RINT1: variants seen among roughly 807,000 people sequenced by gnomAD.
RINT1 encodes the protein RAD50-interacting protein 1.
In RINT1, 75 loss-of-function variants were observed where a neutral mutation model predicts 97.7. That is an observed-to-expected ratio of 0.77 (90% CI 0.64 to 0.93). The LOEUF is 0.93. Among genes scored for constraint, RINT1 ranks in the 40% least tolerant of loss-of-function variants. The pLI is 0.00. For synonymous variants in RINT1, 303 were observed against 326.3 expected (o/e 0.93, Z 0.77); for missense variants, 892 against 925.2 (o/e 0.96, Z 0.47).
chr7:105,560,492 CAAAG>C (rs767951263), intron 11 of RINT1, among the ~76,000 whole-genome samples: 3 of 151,920 alleles, frequency 2.0e-5, no homozygotes, highest in African/African-American at 2.4e-5. Flanking sequence ...TGGGGAGAGA[CAAAG>C]AGAGATGATT....
rs2133386535 is a variant in RINT1, at chr7:105,546,994, A to G, written c.600A>G (p.Lys200=). 1 of 1,613,932 alleles carries G rather than the reference A, an allele frequency of 6.2e-7. No individual in the cohort carries two copies. Among genetic ancestry groups the G allele is most frequent in the Non-Finnish European group, 8.5e-7 (1 of 1,179,820 alleles). Residue 200 remains lysine, a synonymous_variant, in exon 5 of 15, where the codon AAA becomes AAG. Coordinates refer to ENST00000257700, the MANE Select transcript of RINT1 (RefSeq NM_021930.6). Reference sequence around the variant, plus strand: ...TGTCTATGGCAGAACTTGACATTAAACTTCAGGAATCATCTTGTACTCATC... The same window carrying G: ...TGTCTATGGCAGAACTTGACATTAAGCTTCAGGAATCATCTTGTACTCATC... ...TLVSMAELDI[K]LQESSCTHLL...
intron 4 of RINT1, 128 bp from the exon 5 acceptor site, chr7:105,546,782 G>A (rs918521314): frequency 3.6e-5 from 23 of 633,302 alleles, no homozygotes; most frequent in East Asian, 2.5e-4. Flanking sequence ...AGGCTGAGGC[G>A]GGAGAATCAC....
chr7:105,565,300 C>G lies in RINT1; in HGVS notation c.1910C>G (p.Ser637Ter). 6.2e-7 allele frequency: 1 copy of G among 1,602,978 alleles called. No homozygotes were observed. The highest frequency in any genetic ancestry group is 8.5e-7 in the Non-Finnish European group (1 of 1,172,580). The change falls in exon 13 of 15, where the codon TCA (serine) becomes TGA (stop). Residue 637 changes from serine to a stop codon, truncating the protein, a stop_gained. Transcript: ENST00000257700. LOFTEE classifies it high-confidence loss of function. The stretch of plus-strand genomic sequence containing the variant: ...AGATGGTTGTCCTTGCCATCTCAGT[C>G]AGAGCAGGCAGTGATGTCCCTGTCC... ...KERWLSLPSQSEQAVMSLSSS... is the reference protein window; with the variant it reads ...KERWLSLPSQ
intron 3 of RINT1, chr7:105,542,193 G>C (rs1204883951): frequency 2.4e-6 from 1 of 412,306 alleles, no homozygotes; most frequent in Non-Finnish European, 4.3e-6. Context: ...AGAAAAGCCA[G>C]GTGTAGTGGT....
chr7:105,547,484 C>A, intron 6 of RINT1, 151 bp downstream of exon 6: 1 of 746,276 alleles, frequency 1.3e-6, no homozygotes, highest in Non-Finnish European at 2.2e-6. Flanking sequence ...GAGTGGTGGA[C>A]TGTACTCTTG....
rs990741106 is a variant in RINT1, at chr7:105,565,009, C to T, written c.1887-268C>T. The T allele has an allele frequency of 2.3e-5, 7 of 298,760 alleles. No homozygotes were observed. In the East Asian group the frequency reaches 4.1e-4, roughly 17 times the overall value. 18.5% of individuals were successfully genotyped at this position (298,760 alleles called of 1,614,324 possible). A position where few individuals can be genotyped will look rare whatever the true frequency, so the allele number is the denominator to read the frequency against. ...TAAATAAAATGCAAAAATTAAGTGA[C>T]ATTTTAAATTGTAATTGCCTTATAT... On this transcript the variant is annotated intron_variant, in intron 12 of 14. Coordinates refer to ENST00000257700, the MANE Select transcript of RINT1 (RefSeq NM_021930.6).
chr7:105,532,276 G>T lies in RINT1; in HGVS notation c.-40G>T. ...GCCTTAGCCAGACTCCACAGGCCACGCTGGCTGCGAATGGAGCCGAGGACT... is the reference window on the plus strand; with the variant it reads ...GCCTTAGCCAGACTCCACAGGCCACTCTGGCTGCGAATGGAGCCGAGGACT... On this transcript the variant is annotated 5_prime_UTR_variant, in exon 1 of 15. Coordinates refer to ENST00000257700, the MANE Select transcript of RINT1 (RefSeq NM_021930.6). 6.4e-7 allele frequency: 1 copy of T among 1,554,956 alleles called. No homozygotes were observed. The highest frequency in any genetic ancestry group is 8.7e-7 in the Non-Finnish European group (1 of 1,154,208).
intron 11 of RINT1, among the ~76,000 whole-genome samples, chr7:105,560,479 A>AGAT (rs1226252433): frequency 1.3e-5 from 2 of 152,162 alleles, no homozygotes; most frequent in African/African-American, 4.8e-5. Context: ...GGAGAGAGGG[A>AGAT]GATGGGGAGA....
At chr7:105,565,925 G>GAATA (rs148318361) in intron 14 of RINT1, among the ~76,000 whole-genome samples, 15,661 of 152,132 alleles carry the variant, frequency 0.1, 858 homozygotes, top group Admixed American at 0.13. Context: ...GTTACTGGAG[G>GAATA]AATAAATAGA....
At position 105,563,751 on chromosome 7, in the gene RINT1, CA is replaced by C; in HGVS notation, c.1691del (p.Gln564ArgfsTer13). ...ADNVFFLQLQ[Q>X]AALEVFAENN... Reference sequence around the variant, plus strand: ...CTTTCAGTTCTTTCTACAACTTCAACAGGCTGCACTGGAGGTGTTTGCAGAG... The same window carrying C: ...CTTTCAGTTCTTTCTACAACTTCAACGGCTGCACTGGAGGTGTTTGCAGAG... On this transcript the variant is annotated frameshift_variant, in exon 12 of 15. Transcript: ENST00000257700. LOFTEE classifies it high-confidence loss of function. 1 of 1,613,272 alleles carries C rather than the reference CA, an allele frequency of 6.2e-7. No individual in the cohort carries two copies. Among genetic ancestry groups the C allele is most frequent in the Non-Finnish European group, 8.5e-7 (1 of 1,179,570 alleles).
Position 105,565,433 on chromosome 7 carries a change from G to A in RINT1, c.2043G>A (p.Lys681=), listed in dbSNP as rs1424675748. ...TTTTCTGGCAAATGCTTGTAGAGAA[G>A]CTGGATGTATACATCTACCAAGAAG... is the stretch of plus-strand genomic sequence containing the variant. ...FKIFWQMLVE[K]LDVYIYQEII... The change falls in exon 13 of 15, where the codon AAG becomes AAA. Residue 681 remains lysine (K), a synonymous_variant. Coordinates refer to ENST00000257700, the MANE Select transcript of RINT1 (RefSeq NM_021930.6). 1 of 1,614,142 alleles carries A rather than the reference G, an allele frequency of 6.2e-7. No individual in the cohort carries two copies. Among genetic ancestry groups the A allele is most frequent in the Non-Finnish European group, 8.5e-7 (1 of 1,180,008 alleles).
intron 3 of RINT1, among the ~76,000 whole-genome samples, chr7:105,537,213 C>G (rs1009021137): frequency 5.7e-5 from 7 of 123,606 alleles, no homozygotes; most frequent in African/African-American, 2.0e-4. Context: ...TCACTGCAAC[C>G]TCTGCCTCCC....
chr7:105,547,272 G>T lies in RINT1; in HGVS notation c.778G>T (p.Ala260Ser). 18 of 1,614,184 alleles carry T rather than the reference G, an allele frequency of 1.1e-5. No homozygotes were observed. The highest frequency in any genetic ancestry group is 1.5e-5 in the Non-Finnish European group (18 of 1,180,034). ...QTVGLSRPAS[A>S]PEIYSYLETL... Reference sequence around the variant, plus strand: ...TGTTGGCTTAAGTCGACCTGCCAGTGCCCCGGAGATATACAGTTACCTGGA... The same window carrying T: ...TGTTGGCTTAAGTCGACCTGCCAGTTCCCCGGAGATATACAGTTACCTGGA... The change falls in exon 6 of 15, where the codon GCC becomes TCC. Residue 260 changes from alanine (A) to serine (S), a missense_variant. Transcript: ENST00000257700.
At chr7:105,536,479 C>A in intron 2 of RINT1, 86 bp from the exon 3 acceptor site, 1 of 980,650 alleles carries the variant, frequency 1.0e-6, no homozygotes, top group Non-Finnish European at 1.5e-6. Flanking sequence ...CTTTTGAAGG[C>A]AGATAAACTG....
At chr7:105,565,482 G>T (rs1258227454) in intron 13 of RINT1, 25 bp downstream of exon 13, 1 of 1,611,134 alleles carries the variant, frequency 6.2e-7, no homozygotes, top group South Asian at 1.1e-5. Flanking sequence ...ACTGTTTTTG[G>T]GCTGTGATAA....
At chr7:105,540,595 A>G (rs1250627455) in intron 3 of RINT1, among the ~76,000 whole-genome samples, 1 of 152,000 alleles carries the variant, frequency 6.6e-6, no homozygotes, top group South Asian at 2.1e-4. Context: ...ACAGGGTTTC[A>G]CCATGTTGGC....
At chr7:105,560,425 A>C (rs75491531) in intron 11 of RINT1, among the ~76,000 whole-genome samples, 3 of 152,138 alleles carry the variant, frequency 2.0e-5, no homozygotes, top group Non-Finnish European at 4.4e-5. Context: ...GTTGATGCCC[A>C]TGACACATTG....
At chr7:105,546,780 G>A (rs1790683129) in intron 4 of RINT1, 130 bp from the exon 5 acceptor site, 1 of 630,510 alleles carries the variant, frequency 1.6e-6, no homozygotes, top group Non-Finnish European at 2.7e-6. Context: ...GGAGGCTGAG[G>A]CGGGAGAATC....
intron 2 of RINT1, among the ~76,000 whole-genome samples, chr7:105,536,315 C>T (rs181479178): frequency 1.8e-4 from 28 of 152,054 alleles, no homozygotes; most frequent in South Asian, 6.2e-4. Flanking sequence ...TGTGCCCCCA[C>T]GCCTGGCTAA....
Sources: allele counts gnomAD v4.1 joint callset (sites outside exome capture counted in the v4.1 genomes callset), GRCh38; gene constraint gnomAD v4.1.1; transcripts MANE v1.5; gene names NCBI Gene and HGNC (gene_info 2026-07-23, HGNC 2026-07-21).